Variants in RBFOX3 observed in about 807,000 individuals in gnomAD.
RBFOX3 encodes RNA binding protein fox-1 homolog 3.
RBFOX3 carries 17 observed loss-of-function variants against 48.7 expected under a neutral mutation model. The ratio of observed to expected loss-of-function variants is 0.35; its 90% CI spans 0.24 to 0.52. The LOEUF is 0.52. Ranked by LOEUF, RBFOX3 falls within the 20% of genes least tolerant of loss-of-function variation. RBFOX3 has a pLI of 0.94. For missense variants in RBFOX3, 382 were observed against 497.5 expected (o/e 0.77, Z 2.21); for synonymous variants, 212 against 209.5 (o/e 1.01, Z -0.10).
At chr17:79,422,128 G>C (rs1054455138) in intron 2 of RBFOX3, among the ~76,000 whole-genome samples, 1 of 152,104 alleles carries the variant, frequency 6.6e-6, no homozygotes, top group African/African-American at 2.4e-5. Context: ...CCGGGGAGGA[G>C]AGGAGAGGTC....
At chr17:79,422,521 C>T (rs1187226610) in intron 2 of RBFOX3, among the ~76,000 whole-genome samples, 5 of 152,174 alleles carry the variant, frequency 3.3e-5, no homozygotes, top group African/African-American at 9.7e-5. Context: ...TCTGTCCTCC[C>T]GCTCCCTACA....
At chr17:79,177,217 C>CT (rs397970347) in intron 4 of RBFOX3, among the ~76,000 whole-genome samples, 5 of 152,154 alleles carry the variant, frequency 3.3e-5, no homozygotes, top group African/African-American at 1.2e-4. Context: ...TCTCCCCCCC[C>CT]GCCCTCTCCC....
chr17:79,241,968 A>G (rs943395814), intron 3 of RBFOX3, among the ~76,000 whole-genome samples: 1 of 152,226 alleles, frequency 6.6e-6, no homozygotes, highest in African/African-American at 2.4e-5. Context: ...TAGGGCTTCC[A>G]TATAGGAATT....
intron 8 of RBFOX3, among the ~76,000 whole-genome samples, chr17:79,102,598 T>A (rs552135534): frequency 2.0e-5 from 3 of 152,304 alleles, no homozygotes; most frequent in South Asian, 2.1e-4. Flanking sequence ...CAGAGCGGGA[T>A]GGGTGTCAGG....
At chr17:79,348,871 C>T (rs952028988) in intron 2 of RBFOX3, among the ~76,000 whole-genome samples, 7 of 151,934 alleles carry the variant, frequency 4.6e-5, no homozygotes, top group African/African-American at 1.5e-4. Flanking sequence ...CCACCACCCC[C>T]GGCCTAAACC....
chr17:79,417,810 G>T (rs2065639776), intron 2 of RBFOX3, among the ~76,000 whole-genome samples: 1 of 152,260 alleles, frequency 6.6e-6, no homozygotes, highest in South Asian at 2.1e-4. Context: ...GCCACACGGG[G>T]CGGCAGCCCA....
At chr17:79,626,117 T>G in the RBFOX3 span, among the ~76,000 whole-genome samples, 2 of 151,976 alleles carry the variant, frequency 1.3e-5, no homozygotes, top group African/African-American at 4.8e-5. Flanking sequence ...TCTCATAGTT[T>G]ACATGACAGT....
chr17:79,357,849 A>G (rs1056557719), intron 2 of RBFOX3, among the ~76,000 whole-genome samples: 8 of 151,684 alleles, frequency 5.3e-5, no homozygotes, highest in Non-Finnish European at 1.0e-4. Flanking sequence ...ATGTTTACCA[A>G]TTAAGTTCAT....
chr17:79,244,205 A>G (rs1567905924), intron 3 of RBFOX3, among the ~76,000 whole-genome samples: 1 of 152,172 alleles, frequency 6.6e-6, no homozygotes, highest in Non-Finnish European at 1.5e-5. Context: ...TCAGTTGAGG[A>G]GAGGACACAG....
At chr17:79,130,974 T>C (rs1219378745) in intron 4 of RBFOX3, among the ~76,000 whole-genome samples, 1 of 152,262 alleles carries the variant, frequency 6.6e-6, no homozygotes, top group Non-Finnish European at 1.5e-5. Flanking sequence ...CTGCGTGCCC[T>C]GCGTGTGCCC....
At chr17:79,092,731 A>C in intron 14 of RBFOX3, 48 of 656,728 alleles carry the variant, frequency 7.3e-5, no homozygotes, top group Non-Finnish European at 8.9e-5. Context: ...GAAAAACAAA[A>C]AGAGAAATAG....
At position 79,479,132 on chromosome 17, in the gene RBFOX3, G is replaced by A. The variant is rs1187119197; in HGVS notation, c.-175+3322C>T. 6.6e-6 allele frequency among the ~76,000 whole-genome samples: 1 copy of A among 152,186 alleles called. No homozygotes were observed. On this transcript the variant is annotated intron_variant, in intron 2 of 14. Transcript: ENST00000693108. This position sits in a 1 kb window ranked among gnomAD's most constrained non-coding sequence, Gnocchi z 5.1. ...TCCCTGCCCGGGTTTCTCCATCACTGTTCTCCAAGTCCCTCTTAGGAAGCC... is the reference window on the plus strand; with the variant it reads ...TCCCTGCCCGGGTTTCTCCATCACTATTCTCCAAGTCCCTCTTAGGAAGCC...
intron 2 of RBFOX3, among the ~76,000 whole-genome samples, chr17:79,450,979 T>G (rs1229352817): frequency 1.3e-5 from 2 of 152,138 alleles, no homozygotes; most frequent in East Asian, 1.9e-4. Flanking sequence ...AGCCTTCAAT[T>G]AGAAGGGGGT....
intron 4 of RBFOX3, among the ~76,000 whole-genome samples, chr17:79,132,364 G>A (rs1180639867): frequency 6.6e-6 from 1 of 152,198 alleles, no homozygotes; most frequent in African/African-American, 2.4e-5. Flanking sequence ...TCACTGCCCC[G>A]GATGAGCAGC....
chr17:79,533,476 G>A (rs782349512), intron 1 of RBFOX3, among the ~76,000 whole-genome samples: 5 of 152,272 alleles, frequency 3.3e-5, no homozygotes, highest in African/African-American at 4.8e-5. Context: ...GGGGCCTCCA[G>A]GTTCTGGCAT....
chr17:79,663,406 G>A, the RBFOX3 span, among the ~76,000 whole-genome samples: 1 of 152,132 alleles, frequency 6.6e-6, no homozygotes. Context: ...AGAAGAATTC[G>A]TTTCTGTCTC....
rs956067209 is a variant in RBFOX3, at chr17:79,481,775, T to C, written c.-175+679A>G. On this transcript the variant is annotated intron_variant, in intron 2 of 14. Transcript: ENST00000693108. This position sits in a 1 kb window ranked among gnomAD's most constrained non-coding sequence, Gnocchi z 5.4. The stretch of plus-strand genomic sequence containing the variant: ...CATACAACTGTCATTTTTAGTGTAG[T>C]GCTTTTTTGTTGCTGTCGTTCTGTG... Among the ~76,000 whole-genome samples, 3 of 152,180 alleles carry C rather than the reference T, an allele frequency of 2.0e-5. No homozygotes were observed. The highest frequency in any genetic ancestry group is 6.5e-5 in the Admixed American group (1 of 15,286).
At chr17:79,597,889 T>G (rs2145246524) in intron 1 of RBFOX3, 1 of 152,460 alleles carries the variant, frequency 6.6e-6, no homozygotes, top group South Asian at 2.1e-4. Context: ...GGCAAACAGC[T>G]GGCCCACAGC....
chr17:79,371,223 A>G (rs1369309482), intron 2 of RBFOX3, among the ~76,000 whole-genome samples: 1 of 152,208 alleles, frequency 6.6e-6, no homozygotes, highest in Non-Finnish European at 1.5e-5. Context: ...GGGGCAGATT[A>G]ACCCCACTTT....
Sources: gnomAD v4.1 joint callset for allele counts (sites outside exome capture counted in the v4.1 genomes callset) on GRCh38, gnomAD v4.1.1 for gene constraint, Gnocchi (gnomAD v3.1) non-coding constraint, MANE v1.5 for transcripts, NCBI Gene and HGNC (gene_info 2026-07-23, HGNC 2026-07-21) for gene names.